Variants in ZMYM4 observed in about 807,000 individuals in gnomAD.
ZMYM4 encodes zinc finger MYM-type protein 4.
ZMYM4 carries 31 observed loss-of-function variants against 183.2 expected under a neutral mutation model. The ratio of observed to expected loss-of-function variants is 0.17; its 90% CI spans 0.13 to 0.23. ZMYM4 has a LOEUF of 0.23. Ranked by LOEUF, ZMYM4 falls within the 10% of genes least tolerant of loss-of-function variation. The probability of loss-of-function intolerance (pLI) is 1.00; values close to 1 mark genes in which losing one functional copy is unlikely to be tolerated. For synonymous variants in ZMYM4, 592 were observed against 631.2 expected, an observed-to-expected ratio of 0.94 and a Z score of 0.93; for missense variants, 1,273 against 1,840.3, an observed-to-expected ratio of 0.69 and a Z score of 5.64.
intron 12 of ZMYM4, 76 bp downstream of exon 12, chr1:35,387,354 C>G: frequency 6.4e-7 from 1 of 1,573,330 alleles, no homozygotes; most frequent in Non-Finnish European, 8.6e-7. Context: ...AACTTTGCAT[C>G]TCTCAAAATC....
intron 1 of ZMYM4, among the ~76,000 whole-genome samples, chr1:35,275,619 A>G (rs1257044467): frequency 6.6e-6 from 1 of 152,226 alleles, no homozygotes. Flanking sequence ...ATTCTGTATT[A>G]GGAGAACAGC....
At chr1:35,277,092 G>A (rs1187374400) in intron 1 of ZMYM4, among the ~76,000 whole-genome samples, 1 of 152,174 alleles carries the variant, frequency 6.6e-6, no homozygotes, top group Non-Finnish European at 1.5e-5. Flanking sequence ...GTTAAATACA[G>A]AGCAGTGGTT....
intron 1 of ZMYM4, among the ~76,000 whole-genome samples, chr1:35,281,402 A>G (rs891588994): frequency 6.6e-6 from 1 of 152,162 alleles, no homozygotes; most frequent in African/African-American, 2.4e-5. Flanking sequence ...GTGGAATCTA[A>G]AACAATAGAA....
At chr1:35,277,916 A>T (rs372637452) in intron 1 of ZMYM4, among the ~76,000 whole-genome samples, 14 of 152,170 alleles carry the variant, frequency 9.2e-5, no homozygotes, top group African/African-American at 3.4e-4. Context: ...TTTGGTGTTC[A>T]ATTTGTTGTA....
At chr1:35,284,265 C>T (rs1262468925) in intron 1 of ZMYM4, among the ~76,000 whole-genome samples, 1 of 152,116 alleles carries the variant, frequency 6.6e-6, no homozygotes, top group Admixed American at 6.5e-5. Context: ...CGTGAGCCAC[C>T]GCGCCCGGCC....
chr1:35,296,843 C>CTTTCTTTTTTTTTTTTTTTTTTTTTTT (rs1553163901), intron 1 of ZMYM4, among the ~76,000 whole-genome samples: 6 of 95,602 alleles, frequency 6.3e-5, no homozygotes, highest in East Asian at 7.1e-4. Context: ...TTCTTTCTTT[C>CTTTCTTTTTTTTTTTTTTTTTTTTTTT]TTTTTTTTTT....
intron 26 of ZMYM4, among the ~76,000 whole-genome samples, chr1:35,410,344 A>G (rs890096817): frequency 6.6e-6 from 1 of 152,086 alleles, no homozygotes; most frequent in Non-Finnish European, 1.5e-5. Context: ...TAGAAACTAT[A>G]TATATTCTAG....
In ZMYM4 at chr1:35,359,177, T is replaced by C; in HGVS notation, c.338T>C (p.Val113Ala). 5.0e-6 allele frequency: 8 copies of C among 1,613,530 alleles called. No homozygotes were observed. The highest frequency in any genetic ancestry group is 6.8e-6 in the Non-Finnish European group (8 of 1,179,646). The change falls in exon 3 of 30, where the codon GTA (valine) becomes GCA (alanine). Residue 113 changes from valine to alanine, a missense_variant. This residue lies in a region of ZMYM4 where 384 missense variants were observed against 465.6 expected (regional missense o/e 0.82). Coordinates refer to ENST00000314607, the MANE Select transcript of ZMYM4 (RefSeq NM_005095.3). ...SSIHTDDSLE[V>A]ERRVTQHESD... ...ATTCATACTGATGATAGCTTGGAAG[T>C]AGAGAGAAGAGTCACACAGCATGAA...
intron 1 of ZMYM4, among the ~76,000 whole-genome samples, chr1:35,313,588 C>T (rs907074022): frequency 6.6e-6 from 1 of 151,566 alleles, no homozygotes; most frequent in African/African-American, 2.4e-5. Context: ...GGGTTTTCAC[C>T]AGGTTGCCCA....
chr1:35,286,970 C>T (rs1186593271), intron 1 of ZMYM4, among the ~76,000 whole-genome samples: 2 of 151,232 alleles, frequency 1.3e-5, no homozygotes, highest in Non-Finnish European at 2.9e-5. Flanking sequence ...TTTAGGAACA[C>T]TGAAATGATC....
chr1:35,276,673 T>A (rs955433117), intron 1 of ZMYM4, among the ~76,000 whole-genome samples: 6 of 152,144 alleles, frequency 3.9e-5, no homozygotes, highest in African/African-American at 9.7e-5. Flanking sequence ...AGTGGCGTGA[T>A]CTTGGCTCAC....
In ZMYM4 at chr1:35,396,802, C is replaced by T. The variant is rs1159406303; in HGVS notation, c.3030+132C>T. The T allele has an allele frequency of 5.7e-6, 6 of 1,044,166 alleles. No homozygotes were observed. In the African/African-American group the frequency reaches 9.9e-5, roughly 17 times the overall value. 64.7% of individuals were successfully genotyped at this position (1,044,166 alleles called of 1,614,324 possible). A position where few individuals can be genotyped will look rare whatever the true frequency, so the allele number is the denominator to read the frequency against. On this transcript the variant is annotated intron_variant, in intron 19 of 29. Coordinates refer to ENST00000314607, the MANE Select transcript of ZMYM4 (RefSeq NM_005095.3). ...TTCTGATTGGCTGTTATCATATTCC[C>T]ATTATTACTTAACATGGATTATATA...
At chr1:35,322,278 ATAC>A (rs1458942453) in intron 1 of ZMYM4, among the ~76,000 whole-genome samples, 1 of 152,210 alleles carries the variant, frequency 6.6e-6, no homozygotes, top group East Asian at 1.9e-4. Context: ...AACCATTATT[ATAC>A]TACTACTACA....
At chr1:35,317,403 A>G (rs1000649684) in intron 1 of ZMYM4, among the ~76,000 whole-genome samples, 5 of 152,354 alleles carry the variant, frequency 3.3e-5, no homozygotes, top group African/African-American at 1.2e-4. Flanking sequence ...ATTGCCCTCC[A>G]GCCTGGGCAA....
At chr1:35,304,812 CATATA>C (rs1382886907) in intron 1 of ZMYM4, among the ~76,000 whole-genome samples, 45 of 150,334 alleles carry the variant, frequency 3.0e-4, no homozygotes, top group Non-Finnish European at 5.2e-4. Flanking sequence ...TATGGTCCAG[CATATA>C]GTGTATCTTG....
At chr1:35,303,105 AAAAC>A (rs1641365314) in intron 1 of ZMYM4, among the ~76,000 whole-genome samples, 1 of 151,652 alleles carries the variant, frequency 6.6e-6, no homozygotes, top group Non-Finnish European at 1.5e-5. Flanking sequence ...CAAAAAAAAA[AAAAC>A]AAAAAAACCT....
chr1:35,309,691 T>G (rs1641703312), intron 1 of ZMYM4, among the ~76,000 whole-genome samples: 1 of 152,068 alleles, frequency 6.6e-6, no homozygotes, highest in Non-Finnish European at 1.5e-5. Flanking sequence ...AAATACTTTA[T>G]GGTGATTGCT....
intron 1 of ZMYM4, among the ~76,000 whole-genome samples, chr1:35,276,934 C>A (rs918867528): frequency 2.0e-5 from 3 of 152,214 alleles, no homozygotes; most frequent in African/African-American, 7.2e-5. Flanking sequence ...ACTCATACCC[C>A]CTGTGCTCCT....
intron 25 of ZMYM4, among the ~76,000 whole-genome samples, chr1:35,406,903 C>T (rs375847282): frequency 6.6e-6 from 1 of 152,224 alleles, no homozygotes; most frequent in East Asian, 1.9e-4. Context: ...AATTGGATAA[C>T]TCCCCTGCTC....
Sources: gnomAD v4.1 joint callset for allele counts (sites outside exome capture counted in the v4.1 genomes callset) on GRCh38, gnomAD v4.1.1 for gene constraint, gnomAD v4.1.1 regional missense constraint, MANE v1.5 for transcripts, NCBI Gene and HGNC (gene_info 2026-07-23, HGNC 2026-07-21) for gene names.